CLEC17A: variants seen among roughly 807,000 people sequenced by gnomAD.
CLEC17A encodes the protein C-type lectin domain containing 17A, also known as C-type lectin domain family 17, member A.
CLEC17A carries 37 observed loss-of-function variants against 61.3 expected under a neutral mutation model. The observed-to-expected ratio is 0.60, with a 90% CI of 0.46 to 0.79. The LOEUF is 0.79. Among genes scored for constraint, CLEC17A ranks in the 30% least tolerant of loss-of-function variants. The probability of loss-of-function intolerance (pLI) is 0.00; values close to 1 mark genes in which losing one functional copy is unlikely to be tolerated. For missense variants in CLEC17A, 418 were observed against 464.7 expected (o/e 0.90, Z 0.92); for synonymous variants, 168 against 164.9 (o/e 1.02, Z -0.14).
At chr19:14,595,838 G>T (rs1180794203) in intron 8 of CLEC17A, among the ~76,000 whole-genome samples, 1 of 151,666 alleles carries the variant, frequency 6.6e-6, no homozygotes, top group Non-Finnish European at 1.5e-5. Flanking sequence ...TGTTGGTGAT[G>T]GTGGTGGTGG....
chr19:14,599,863 G>T (rs573146517), intron 11 of CLEC17A, 51 bp downstream of exon 11: 3 of 1,538,456 alleles, frequency 2.0e-6, no homozygotes, highest in Non-Finnish European at 2.7e-6. Context: ...GGCAGAGCTG[G>T]CACATTACAT....
intron 13 of CLEC17A, among the ~76,000 whole-genome samples, chr19:14,607,464 A>C (rs2074920484): frequency 6.6e-6 from 1 of 151,588 alleles, no homozygotes; most frequent in South Asian, 2.1e-4. Flanking sequence ...TGGCCTCCCA[A>C]AGTGCTGGGA....
chr19:14,583,299 C>CTTGA (rs2074208720), intron 1 of CLEC17A, 58 bp from the exon 2 acceptor site: 1 of 1,610,830 alleles, frequency 6.2e-7, no homozygotes, highest in African/African-American at 1.3e-5. Context: ...GAGACCAGGG[C>CTTGA]TTGAGGGATG....
At chr19:14,602,271 T>C (rs1330638072) in intron 12 of CLEC17A, among the ~76,000 whole-genome samples, 1 of 152,096 alleles carries the variant, frequency 6.6e-6, no homozygotes, top group African/African-American at 2.4e-5. Context: ...CTCTGGCTTT[T>C]AATTGGTGTT....
At chr19:14,591,898 A>ATATG (rs1224657652) in intron 3 of CLEC17A, among the ~76,000 whole-genome samples, 1 of 138,948 alleles carries the variant, frequency 7.2e-6, no homozygotes, top group African/African-American at 2.8e-5. Context: ...CCGGAGAAAA[A>ATATG]TGTGTGTGTG....
chr19:14,599,581 G>A (rs767700107), intron 10 of CLEC17A, 136 bp from the exon 11 acceptor site: 14 of 725,526 alleles, frequency 1.9e-5, no homozygotes, highest in South Asian at 4.5e-5. Context: ...GTTTTTGAGC[G>A]CAAGCGTGAC....
At chr19:14,596,783 C>G (rs2074561818) in intron 8 of CLEC17A, 93 bp from the exon 9 acceptor site, 1 of 1,427,802 alleles carries the variant, frequency 7.0e-7, no homozygotes, top group Non-Finnish European at 9.5e-7. Context: ...CTACAGACTT[C>G]TGCCCCCTGC....
At chr19:14,605,336 T>C (rs1423889234) in intron 12 of CLEC17A, among the ~76,000 whole-genome samples, 1 of 150,626 alleles carries the variant, frequency 6.6e-6, no homozygotes, top group Non-Finnish European at 1.5e-5. Flanking sequence ...CCTCAGGTGA[T>C]CCACCTGTGT....
At chr19:14,581,757 A>T (rs1456431602), upstream of CLEC17A, among the ~76,000 whole-genome samples, 1 of 152,014 alleles carries the variant, frequency 6.6e-6, no homozygotes, top group African/African-American at 2.4e-5. Flanking sequence ...AGTTCAAACG[A>T]TTCTCCTGCC....
At position 14,607,078 on chromosome 19, in the gene CLEC17A, TG is replaced by T; in HGVS notation, c.982del (p.Asp328MetfsTer5). 1 of 1,329,274 alleles carries T rather than the reference TG, an allele frequency of 7.5e-7. No individual in the cohort carries two copies. The highest frequency in any genetic ancestry group is 3.1e-5 in the Admixed American group (1 of 32,476). The allele number at this position is 1,329,274 out of a possible 1,614,324, so 82.3% of individuals were successfully genotyped here. ...DRAQEGDWRW[L>X]DGSPVTLSFW... ...GCCCAGGAAGGGGACTGGAGGTGGC[TG>T]GATGGGTCTCCTGTGACATTAAGGC... On this transcript the variant is annotated frameshift_variant, in exon 13 of 14. Coordinates refer to ENST00000417570, the MANE Select transcript of CLEC17A (RefSeq NM_001204118.2). LOFTEE classifies it high-confidence loss of function.
intron 3 of CLEC17A, among the ~76,000 whole-genome samples, chr19:14,588,827 G>C (rs2146676055): frequency 6.6e-6 from 1 of 152,094 alleles, no homozygotes; most frequent in Non-Finnish European, 1.5e-5. Context: ...TGAGGGCTGA[G>C]GCTGTATATC....
rs770848670 is a variant in CLEC17A, at chr19:14,599,771, C to A, written c.701C>A (p.Ala234Asp). The A allele has an allele frequency of 5.0e-6, 8 of 1,613,820 alleles. No homozygotes were observed. The highest frequency in any genetic ancestry group is 5.9e-6 in the Non-Finnish European group (7 of 1,179,866). The change falls in exon 11 of 14, where the codon GCT becomes GAT. Residue 234 changes from alanine to aspartate, a missense_variant. Physicochemically the swap from Ala to Asp is moderately radical, Grantham distance 126 (BLOSUM62 -2). Transcript: ENST00000417570. ...GLKHDIARVR[A>D]DTNQSLVELW... is the part of the protein sequence containing the mutation. Reference sequence around the variant, plus strand: ...AAGCATGACATTGCCCGTGTAAGAGCTGACACCAACCAGTCCCTGGTGGAA... The same window carrying A: ...AAGCATGACATTGCCCGTGTAAGAGATGACACCAACCAGTCCCTGGTGGAA...
chr19:14,596,398 A>G (rs2074554022), intron 8 of CLEC17A, among the ~76,000 whole-genome samples: 1 of 152,086 alleles, frequency 6.6e-6, no homozygotes, highest in Admixed American at 6.6e-5. Flanking sequence ...GGGAGGCTGA[A>G]GCAGGGAGGA....
upstream of CLEC17A, among the ~76,000 whole-genome samples, chr19:14,582,496 G>A (rs568120384): frequency 7.9e-5 from 12 of 152,312 alleles, no homozygotes; most frequent in South Asian, 1.5e-3. Context: ...ACAGGCGTGA[G>A]CCACGATGCC....
chr19:14,605,513 G>A (rs1380600201), intron 12 of CLEC17A, among the ~76,000 whole-genome samples: 2 of 152,122 alleles, frequency 1.3e-5, no homozygotes, highest in Non-Finnish European at 2.9e-5. Context: ...TGACAAATGC[G>A]TACACCTGTG....
chr19:14,594,882 T>C, intron 7 of CLEC17A, 82 bp downstream of exon 7: 1 of 1,361,702 alleles, frequency 7.3e-7, no homozygotes, highest in Non-Finnish European at 1.0e-6. Flanking sequence ...TTTATTTATT[T>C]ATTTTTTTTG....
In CLEC17A at chr19:14,610,468, A is replaced by AAC; in HGVS notation, c.*272_*273insAC. 2 of 453,882 alleles carry AAC rather than the reference A, an allele frequency of 4.4e-6. No individual in the cohort carries two copies. The highest frequency in any genetic ancestry group is 4.7e-5 in the South Asian group (2 of 42,448). The allele number at this position is 453,882 out of a possible 1,614,324, so 28.1% of individuals were successfully genotyped here. On this transcript the variant is annotated 3_prime_UTR_variant, in exon 14 of 14. Transcript: ENST00000417570. ...CACTTCTGGGGTTGAAAGGATCTTC[A>AAC]CTAAGTTCCTGATCATGACTCTTGG...
In CLEC17A at chr19:14,583,402, C is replaced by T; in HGVS notation, c.89C>T (p.Thr30Ile). 9 of 1,612,224 alleles carry T rather than the reference C, an allele frequency of 5.6e-6. No homozygotes were observed. Among genetic ancestry groups the T allele is most frequent in the South Asian group, 1.1e-5 (1 of 90,880 alleles). ...EEEDDDYENS[T>I]PPYKDLPPKP... ...GAGGATGATGACTATGAGAACTCAA[C>T]ACCTCCCTACAAGGACCTTCCTCCC... Residue 30 changes from threonine to isoleucine, a missense_variant, in exon 2 of 14, where the codon ACA (threonine) becomes ATA (isoleucine). Coordinates refer to ENST00000417570, the MANE Select transcript of CLEC17A (RefSeq NM_001204118.2).
intron 10 of CLEC17A, among the ~76,000 whole-genome samples, chr19:14,598,973 C>T (rs918856863): frequency 6.6e-6 from 1 of 151,418 alleles, no homozygotes; most frequent in African/African-American, 2.4e-5. Flanking sequence ...ATAAAGGATC[C>T]AGGCATCTGA....
Sources: allele counts gnomAD v4.1 joint callset (sites outside exome capture counted in the v4.1 genomes callset), GRCh38; gene constraint gnomAD v4.1.1; transcripts MANE v1.5; gene names NCBI Gene and HGNC (gene_info 2026-07-23, HGNC 2026-07-21).